The following ADAMTSL3 variants were observed in gnomAD, a reference collection of about 807,000 sequenced individuals.
ADAMTSL3 encodes the protein ADAMTS like 3.
ADAMTSL3 carries 128 observed loss-of-function variants against 201.7 expected under a neutral mutation model. The ratio of observed to expected loss-of-function variants is 0.63; its 90% CI spans 0.55 to 0.73. The LOEUF is 0.73. ADAMTSL3 is among the 30% of genes least tolerant of loss of function. The probability of loss-of-function intolerance (pLI) is 0.00; values close to 1 mark genes in which losing one functional copy is unlikely to be tolerated. For missense variants in ADAMTSL3, 1,990 were observed against 2,119.6 expected, an observed-to-expected ratio of 0.94 and a Z score of 1.20; for synonymous variants, 738 against 748.4, an observed-to-expected ratio of 0.99 and a Z score of 0.23.
chr15:83,931,529 G>A (rs1483126291), intron 17 of ADAMTSL3, among the ~76,000 whole-genome samples: 1 of 152,162 alleles, frequency 6.6e-6, no homozygotes, highest in Non-Finnish European at 1.5e-5. Context: ...ATCCAAATAT[G>A]ACCCATGTAT....
chr15:83,864,308 C>T (rs1409533994), intron 8 of ADAMTSL3, among the ~76,000 whole-genome samples: 4 of 151,890 alleles, frequency 2.6e-5, no homozygotes, highest in Non-Finnish European at 5.9e-5. Flanking sequence ...GAGACACAAC[C>T]AAAAAAGAGA....
chr15:83,855,840 G>T (rs1051935682), intron 7 of ADAMTSL3, among the ~76,000 whole-genome samples: 1 of 151,968 alleles, frequency 6.6e-6, no homozygotes, highest in African/African-American at 2.4e-5. Context: ...GTTCAAATTA[G>T]TCTCTACAAA....
At chr15:83,899,009 T>C (rs1347477210) in intron 14 of ADAMTSL3, among the ~76,000 whole-genome samples, 3 of 152,202 alleles carry the variant, frequency 2.0e-5, no homozygotes, top group Non-Finnish European at 4.4e-5. Context: ...GCCACTTTCA[T>C]TGTGTCCATA....
chr15:83,982,541 T>C lies in ADAMTSL3; in HGVS notation c.2913T>C (p.Gly971=). The C allele has an allele frequency of 6.2e-7, 1 of 1,614,174 alleles. No homozygotes were observed. The highest frequency in any genetic ancestry group is 8.5e-7 in the Non-Finnish European group (1 of 1,180,030). ...ITKSGSLKIH[G]LAAPDIGVYR... ...AGTCAGGCTCACTAAAAATCCATGGTCTTGCTGCCCCCGACATCGGCGTGT... is the reference window on the plus strand; with the variant it reads ...AGTCAGGCTCACTAAAAATCCATGGCCTTGCTGCCCCCGACATCGGCGTGT... The change falls in exon 21 of 30, where the codon GGT becomes GGC. Residue 971 remains glycine, a synonymous_variant. Coordinates refer to ENST00000286744, the MANE Select transcript of ADAMTSL3 (RefSeq NM_207517.3).
chr15:83,740,485 C>T (rs2062437415), intron 3 of ADAMTSL3, among the ~76,000 whole-genome samples: 1 of 152,150 alleles, frequency 6.6e-6, no homozygotes, highest in African/African-American at 2.4e-5. Flanking sequence ...CATATCAAAA[C>T]TCATTGGATT....
chr15:83,892,251 G>A (rs913705015), intron 12 of ADAMTSL3, among the ~76,000 whole-genome samples: 32 of 150,212 alleles, frequency 2.1e-4, no homozygotes, highest in African/African-American at 7.1e-4. Context: ...TTTAAAAAAG[G>A]CTGGGCACAG....
At chr15:83,733,646 C>T (rs569798580) in intron 3 of ADAMTSL3, among the ~76,000 whole-genome samples, 2 of 152,110 alleles carry the variant, frequency 1.3e-5, no homozygotes, top group East Asian at 3.9e-4. Context: ...ATGATCGCAC[C>T]GTACTTGCTA....
intron 17 of ADAMTSL3, among the ~76,000 whole-genome samples, chr15:83,929,699 C>CACACAG (rs778284936): frequency 5.5e-4 from 82 of 150,336 alleles, no homozygotes; most frequent in East Asian, 1.2e-3. Context: ...CACACACACA[C>CACACAG]AGAGAGAGAC....
chr15:83,961,327 G>A (rs890419507), intron 19 of ADAMTSL3, among the ~76,000 whole-genome samples: 14 of 151,904 alleles, frequency 9.2e-5, no homozygotes, highest in African/African-American at 2.9e-4. Context: ...TATGGAAGAC[G>A]GACAAAGGAG....
intron 6 of ADAMTSL3, among the ~76,000 whole-genome samples, chr15:83,823,439 C>T (rs1435951840): frequency 1.3e-5 from 2 of 152,146 alleles, no homozygotes; most frequent in East Asian, 3.9e-4. Flanking sequence ...CAACTTTGTT[C>T]ATCCCTTTAT....
chr15:83,750,786 G>A (rs1462118137), intron 3 of ADAMTSL3, among the ~76,000 whole-genome samples: 13 of 152,106 alleles, frequency 8.5e-5, no homozygotes, highest in Non-Finnish European at 5.9e-5. Flanking sequence ...TCTTGACCTC[G>A]TGATCTGCCT....
rs2062724863 is a variant in ADAMTSL3 at position 83,756,625 on chromosome 15, A to T, written c.190-16898A>T. Among the ~76,000 whole-genome samples, 4 of 147,560 alleles carry T rather than the reference A, an allele frequency of 2.7e-5. No individual in the cohort carries two copies. In the Middle Eastern group the frequency reaches 0.014, roughly 531 times the overall value. On this transcript the variant is annotated intron_variant, in intron 3 of 29. Transcript: ENST00000286744. ...CCCCCCCCCCAAATCTCATGTCCTA[A>T]CATTTCAAAATCAATCGTGCCTTCC...
intron 27 of ADAMTSL3, among the ~76,000 whole-genome samples, chr15:84,030,009 A>G (rs1174406623): frequency 6.6e-6 from 1 of 152,230 alleles, no homozygotes; most frequent in Non-Finnish European, 1.5e-5. Context: ...CTCTGCCTAG[A>G]TTTCAGAGGA....
intron 19 of ADAMTSL3, among the ~76,000 whole-genome samples, chr15:83,944,729 A>G (rs2066623394): frequency 6.6e-6 from 1 of 152,238 alleles, no homozygotes; most frequent in East Asian, 1.9e-4. Context: ...TTTGAGTCCA[A>G]CAGACCCATG....
intron 6 of ADAMTSL3, among the ~76,000 whole-genome samples, chr15:83,823,199 GGTGA>G (rs1427509267): frequency 1.5e-5 from 2 of 136,176 alleles, no homozygotes; most frequent in African/African-American, 3.0e-5. Context: ...AGAGGGAGAG[GGTGA>G]GGGAGAGGGT....
chr15:83,793,987 G>GA (rs1320461150), intron 4 of ADAMTSL3, among the ~76,000 whole-genome samples: 1 of 152,044 alleles, frequency 6.6e-6, no homozygotes, highest in Non-Finnish European at 1.5e-5. Context: ...ATTCTAATTA[G>GA]AAAATGAACA....
intron 19 of ADAMTSL3, chr15:83,945,781 A>G (rs1274387954): frequency 6.6e-6 from 1 of 152,228 alleles, no homozygotes; most frequent in Non-Finnish European, 1.5e-5. Context: ...GGGAACTTAT[A>G]AGAAATGAGG....
chr15:83,860,512 G>A (rs896617283), intron 8 of ADAMTSL3, among the ~76,000 whole-genome samples: 2 of 152,098 alleles, frequency 1.3e-5, no homozygotes, highest in Non-Finnish European at 2.9e-5. Flanking sequence ...AAAGTTTATG[G>A]CATGCAAAGT....
rs533607105 is a variant in ADAMTSL3 at position 83,745,789 on chromosome 15, G to T, written c.190-27734G>T. Reference sequence around the variant, plus strand: ...TGAAAAGTACATAGAGTGACACTTGGTTTATCTGGTGCCATTGGGCAAAAT... The same window carrying T: ...TGAAAAGTACATAGAGTGACACTTGTTTTATCTGGTGCCATTGGGCAAAAT... On this transcript the variant is annotated intron_variant, in intron 3 of 29. Coordinates refer to ENST00000286744, the MANE Select transcript of ADAMTSL3 (RefSeq NM_207517.3). Among the ~76,000 whole-genome samples the T allele has an allele frequency of 1.7e-4, 26 of 152,316 alleles. No homozygotes were observed. The South Asian group carries it at 5.4e-3, about 32-fold the overall frequency.
Sources: allele counts gnomAD v4.1 joint callset (sites outside exome capture counted in the v4.1 genomes callset), GRCh38; gene constraint gnomAD v4.1.1; transcripts MANE v1.5; gene names NCBI Gene and HGNC (gene_info 2026-07-23, HGNC 2026-07-21).